RPS27A: variants seen among roughly 807,000 people sequenced by gnomAD.
RPS27A encodes ribosomal protein S27a, also known as ubiquitin-ribosomal protein eS31 fusion protein.
RPS27A carries 1 observed loss-of-function variant against 18.9 expected under a neutral mutation model. The observed-to-expected ratio is 0.05, with a 90% CI of 0.02 to 0.25. The LOEUF is 0.25. Among genes scored for constraint, RPS27A ranks in the 10% least tolerant of loss-of-function variants. RPS27A has a pLI of 1.00. For synonymous variants in RPS27A, 77 were observed against 63.7 expected (o/e 1.21, Z -0.99); for missense variants, 123 against 187.4 (o/e 0.66, Z 2.01).
In RPS27A at chr2:55,235,722, G is replaced by A. The variant is rs997438212; in HGVS notation, c.*145G>A. 1 of 945,028 alleles carries A rather than the reference G, an allele frequency of 1.1e-6. No individual in the cohort carries two copies. Among genetic ancestry groups the A allele is most frequent in the Non-Finnish European group, 1.6e-6 (1 of 611,166 alleles). 58.5% of individuals were successfully genotyped at this position (945,028 alleles called of 1,614,324 possible). ...CTATCGCTGTGTGAATGTTGCCTCTGGGGATTATGTGACCCAGTGGTTCTG... is the reference window on the plus strand; with the variant it reads ...CTATCGCTGTGTGAATGTTGCCTCTAGGGATTATGTGACCCAGTGGTTCTG... On this transcript the variant is annotated 3_prime_UTR_variant, in exon 6 of 6. Coordinates refer to ENST00000272317, the MANE Select transcript of RPS27A (RefSeq NM_002954.6).
At chr2:55,235,078 G>T in intron 5 of RPS27A, 116 bp downstream of exon 5, 1 of 1,161,502 alleles carries the variant, frequency 8.6e-7, no homozygotes, top group Admixed American at 2.0e-5. Context: ...ATCCCACTTT[G>T]GTTTAAATGA....
chr2:55,232,169 G>C (rs1276095955), upstream of RPS27A: 2 of 158,568 alleles, frequency 1.3e-5, no homozygotes, highest in African/African-American at 2.4e-5. Context: ...ATTTGCTCTA[G>C]TCACTTCCGG....
At chr2:55,233,146 C>A in intron 2 of RPS27A, 1 of 641,380 alleles carries the variant, frequency 1.6e-6, no homozygotes, top group South Asian at 1.8e-5. Flanking sequence ...CGGGTGCGAG[C>A]ACGTGTGGCC....
chr2:55,233,141 G>T, intron 2 of RPS27A: 1 of 639,730 alleles, frequency 1.6e-6, no homozygotes, highest in South Asian at 1.8e-5. Context: ...CCCGCCGGGT[G>T]CGAGCACGTG....
At chr2:55,235,018 A>T in intron 5 of RPS27A, 56 bp downstream of exon 5, 1 of 1,583,284 alleles carries the variant, frequency 6.3e-7, no homozygotes, top group Non-Finnish European at 8.6e-7. Context: ...TGGAAAACTT[A>T]ATCTTTATAG....
chr2:55,235,639 G>C lies in RPS27A; in HGVS notation c.*62G>C. On this transcript the variant is annotated 3_prime_UTR_variant, in exon 6 of 6. Transcript: ENST00000272317. ...TTGTTGGGTTTTATTGCAGTAAAAA[G>C]AATGGTTTTTAAGCACCAAATTGAT... 6.4e-7 allele frequency: 1 copy of C among 1,573,832 alleles called. No individual in the cohort carries two copies. Among genetic ancestry groups the C allele is most frequent in the East Asian group, 2.2e-5 (1 of 44,760 alleles).
chr2:55,232,601 G>T, upstream of RPS27A: 1 of 602,250 alleles, frequency 1.7e-6, no homozygotes, highest in South Asian at 1.9e-5. Context: ...CGCTGGGACG[G>T]CAGTCAGGCA....
intron 1 of RPS27A, 34 bp downstream of exon 1, chr2:55,232,742 G>A (rs1194922158): frequency 2.3e-6 from 3 of 1,287,850 alleles, no homozygotes; most frequent in East Asian, 4.7e-5. Context: ...TCTCGGGTTA[G>A]CACCCTATGG....
In RPS27A at chr2:55,234,169, G is replaced by C; in HGVS notation, c.154G>C (p.Asp52His). The C allele has an allele frequency of 6.2e-7, 1 of 1,613,464 alleles. No individual in the cohort carries two copies. Among genetic ancestry groups the C allele is most frequent in the Non-Finnish European group, 8.5e-7 (1 of 1,179,410 alleles). ...GATCTTTGCTGGCAAGCAGCTGGAA[G>C]ATGGACGTACTTTGTCTGACTACAA... ...RLIFAGKQLEDGRTLSDYNIQ... is the reference protein window; with the variant it reads ...RLIFAGKQLEHGRTLSDYNIQ... The change falls in exon 4 of 6, where the codon GAT becomes CAT. Residue 52 changes from aspartate to histidine, a missense_variant. Asp to His is a moderately conservative substitution (Grantham distance 81, BLOSUM62 -1). Transcript: ENST00000272317.
intron 1 of RPS27A, 44 bp downstream of exon 1, chr2:55,232,752 G>T (rs1008901004): frequency 1.4e-6 from 2 of 1,380,086 alleles, no homozygotes; most frequent in East Asian, 2.3e-5. Context: ...GCACCCTATG[G>T]TGCCTTCTCT....
At position 55,235,420 on chromosome 2, in the gene RPS27A, C is replaced by T. The variant is rs550068683; in HGVS notation, c.322-8C>T. The T allele has an allele frequency of 6.2e-7, 1 of 1,611,744 alleles. No homozygotes were observed. The highest frequency in any genetic ancestry group is 8.5e-7 in the Non-Finnish European group (1 of 1,179,786). On this transcript the variant is annotated splice_polypyrimidine_tract_variant and splice_region_variant and intron_variant, in intron 5 of 5. Transcript: ENST00000272317. Reference sequence around the variant, plus strand: ...AAATTATCTTAACAGCAGGTTTGTGCTTTTCAGGTGGATGAGAATGGCAAA... The same window carrying T: ...AAATTATCTTAACAGCAGGTTTGTGTTTTTCAGGTGGATGAGAATGGCAAA...
Position 55,233,434 on chromosome 2 carries a change from A to G in RPS27A, c.103+17A>G. On this transcript the variant is annotated intron_variant, in intron 3 of 5. Transcript: ENST00000272317. ...ATAAGGAAGGCAAGTAGTATTTTGT[A>G]GTTAAGAAAACTTAACCTGCGGAGA... 6.2e-7 allele frequency: 1 copy of G among 1,604,594 alleles called. No individual in the cohort carries two copies. Among genetic ancestry groups the G allele is most frequent in the Non-Finnish European group, 8.5e-7 (1 of 1,172,010 alleles).
chr2:55,233,494 T>C (rs1675609177), intron 3 of RPS27A, 77 bp downstream of exon 3: 2 of 983,914 alleles, frequency 2.0e-6, no homozygotes, highest in Admixed American at 3.5e-5. Flanking sequence ...ACATACCTGC[T>C]CTTGGTGATG....
At chr2:55,234,244 T>G (rs771772760) in intron 4 of RPS27A, 40 bp downstream of exon 4, 1 of 1,412,648 alleles carries the variant, frequency 7.1e-7, no homozygotes. Context: ...AAAAAAAAAA[T>G]GTTATTTTGG....
intron 3 of RPS27A, chr2:55,233,755 A>G (rs532949980): frequency 1.9e-5 from 9 of 466,144 alleles, no homozygotes; most frequent in East Asian, 4.3e-5. Context: ...CAGCCTCCCT[A>G]TTAGTGGGGA....
intron 1 of RPS27A, 32 bp downstream of exon 1, chr2:55,232,740 T>A (rs925700138): frequency 4.7e-5 from 60 of 1,268,132 alleles, no homozygotes; most frequent in Non-Finnish European, 6.7e-5. Context: ...GCTCTCGGGT[T>A]AGCACCCTAT....
chr2:55,235,299 G>A, intron 5 of RPS27A, 129 bp from the exon 6 acceptor site: 1 of 1,013,324 alleles, frequency 9.9e-7, no homozygotes. Flanking sequence ...GAGAATTTAG[G>A]GTGCTTTGGT....
At chr2:55,233,866 G>A (rs1675644083) in intron 3 of RPS27A, 3 of 556,652 alleles carry the variant, frequency 5.4e-6, no homozygotes, top group African/African-American at 3.8e-5. Flanking sequence ...TTCACATCAA[G>A]TGATCTGCCC....
chr2:55,232,578 C>G, upstream of RPS27A: 2 of 581,054 alleles, frequency 3.4e-6, no homozygotes, highest in South Asian at 3.9e-5. Context: ...AGTCTGGCAC[C>G]GGGTTGGATT....
Sources: allele counts gnomAD v4.1 joint callset, GRCh38; gene constraint gnomAD v4.1.1; transcripts MANE v1.5; gene names NCBI Gene and HGNC (gene_info 2026-07-23, HGNC 2026-07-21).